The following LMX1A variants were observed in gnomAD, a reference collection of about 807,000 sequenced individuals.
LMX1A encodes the protein LIM homeobox transcription factor 1-alpha.
A neutral mutation model predicts 49.1 loss-of-function variants in LMX1A; 15 were observed. The ratio of observed to expected loss-of-function variants is 0.31; its 90% CI spans 0.20 to 0.47. LMX1A has a LOEUF of 0.47. Ranked by LOEUF, LMX1A falls within the 20% of genes least tolerant of loss-of-function variation. The pLI is 1.00. For synonymous variants in LMX1A, 167 were observed against 185.7 expected, an observed-to-expected ratio of 0.90 and a Z score of 0.82; for missense variants, 372 against 475.8, an observed-to-expected ratio of 0.78 and a Z score of 2.03.
intron 3 of LMX1A, among the ~76,000 whole-genome samples, chr1:165,300,249 A>G (rs1654740814): frequency 6.6e-6 from 1 of 152,212 alleles, no homozygotes; most frequent in African/African-American, 2.4e-5. Flanking sequence ...TATCAATTAA[A>G]ATATGCTCAC....
At chr1:165,308,526 A>G (rs965283276) in intron 3 of LMX1A, among the ~76,000 whole-genome samples, 2 of 152,222 alleles carry the variant, frequency 1.3e-5, no homozygotes, top group African/African-American at 4.8e-5. Flanking sequence ...AATCTCTTTA[A>G]TATAATTTTT....
intron 4 of LMX1A, among the ~76,000 whole-genome samples, chr1:165,237,590 CAAAA>C (rs902241830): frequency 1.3e-4 from 20 of 152,122 alleles, no homozygotes; most frequent in African/African-American, 4.3e-4. Context: ...CAAAACAAAA[CAAAA>C]AAACCCAAGC....
At chr1:165,316,465 T>C (rs941601394) in intron 3 of LMX1A, among the ~76,000 whole-genome samples, 8 of 152,130 alleles carry the variant, frequency 5.3e-5, no homozygotes, top group Non-Finnish European at 8.8e-5. Flanking sequence ...TGCTCCTTGG[T>C]CCCTACACTA....
At chr1:165,304,289 C>CA (rs1386019821) in intron 3 of LMX1A, among the ~76,000 whole-genome samples, 11 of 152,130 alleles carry the variant, frequency 7.2e-5, no homozygotes, top group African/African-American at 2.7e-4. Context: ...TAGCCTCTCC[C>CA]ACCCCAAAAA....
At chr1:165,334,240 A>C (rs900000773) in intron 3 of LMX1A, among the ~76,000 whole-genome samples, 19 of 152,202 alleles carry the variant, frequency 1.2e-4, no homozygotes, top group African/African-American at 4.6e-4. Context: ...GGATAGATCA[A>C]CTAACCAGCC....
In LMX1A at chr1:165,330,893, C is replaced by T. The variant is rs527516206; in HGVS notation, c.263+22183G>A. Among the ~76,000 whole-genome samples the T allele has an allele frequency of 2.6e-5, 4 of 152,328 alleles. No homozygotes were observed. The East Asian group carries it at 7.7e-4, about 29-fold the overall frequency. The stretch of plus-strand genomic sequence containing the variant: ...AGCTGAGCCCTGACCTACACACATA[C>T]TCCAAGTAGTCCAATTCAGGATCAA... On this transcript the variant is annotated intron_variant, in intron 3 of 8. Transcript: ENST00000342310.
At chr1:165,263,495 C>T (rs546729689) in intron 3 of LMX1A, among the ~76,000 whole-genome samples, 19 of 152,342 alleles carry the variant, frequency 1.2e-4, no homozygotes, top group South Asian at 1.0e-3. Flanking sequence ...GCAATTTCTG[C>T]TCCACCTTCA....
At chr1:165,308,498 A>G (rs2101731309) in intron 3 of LMX1A, among the ~76,000 whole-genome samples, 1 of 152,366 alleles carries the variant, frequency 6.6e-6, no homozygotes, top group Non-Finnish European at 1.5e-5. Context: ...CTAAGGTAAC[A>G]TGATAGGAAA....
At chr1:165,284,998 G>T (rs1188821300) in intron 3 of LMX1A, among the ~76,000 whole-genome samples, 1 of 152,228 alleles carries the variant, frequency 6.6e-6, no homozygotes, top group African/African-American at 2.4e-5. Context: ...ACCTTGCCTG[G>T]CTATGCCAGA....
chr1:165,267,284 T>C (rs1653656303), intron 3 of LMX1A, among the ~76,000 whole-genome samples: 2 of 152,220 alleles, frequency 1.3e-5, no homozygotes, highest in Non-Finnish European at 2.9e-5. Flanking sequence ...CTTCTTTCAC[T>C]TAGCACAATG....
chr1:165,229,747 G>A (rs1298218250), intron 4 of LMX1A, among the ~76,000 whole-genome samples: 1 of 152,032 alleles, frequency 6.6e-6, no homozygotes. Context: ...TGTTGTTGTT[G>A]TTGTTTTCTG....
At chr1:165,341,873 ATGAG>A (rs1656086890) in intron 3 of LMX1A, among the ~76,000 whole-genome samples, 1 of 152,248 alleles carries the variant, frequency 6.6e-6, no homozygotes, top group South Asian at 2.1e-4. Flanking sequence ...AAATGAATGA[ATGAG>A]TGATTTAATT....
intron 4 of LMX1A, among the ~76,000 whole-genome samples, chr1:165,242,548 A>G (rs1438077811): frequency 6.6e-6 from 1 of 152,028 alleles, no homozygotes; most frequent in African/African-American, 2.4e-5. Context: ...CAAAAATGAA[A>G]TTCTGACTCA....
chr1:165,343,256 G>A (rs184868679), intron 3 of LMX1A, among the ~76,000 whole-genome samples: 406 of 152,150 alleles, frequency 2.7e-3, no homozygotes, highest in African/African-American at 9.3e-3. Context: ...CCTTGCCCAT[G>A]GTAACACAGC....
intron 4 of LMX1A, among the ~76,000 whole-genome samples, chr1:165,249,197 G>A (rs1001132798): frequency 5.3e-5 from 8 of 152,158 alleles, no homozygotes; most frequent in Non-Finnish European, 1.0e-4. Flanking sequence ...GAATTTGAGG[G>A]TAATTTGTTA....
chr1:165,244,497 A>G (rs1652770755), intron 4 of LMX1A, among the ~76,000 whole-genome samples: 1 of 152,208 alleles, frequency 6.6e-6, no homozygotes, highest in Admixed American at 6.5e-5. Flanking sequence ...AGACAGTGTC[A>G]GAATTAAATT....
intron 4 of LMX1A, among the ~76,000 whole-genome samples, chr1:165,240,741 C>A (rs1022596805): frequency 1.3e-5 from 2 of 152,174 alleles, no homozygotes; most frequent in African/African-American, 4.8e-5. Context: ...GTTCAATGTC[C>A]TTTCTGGACT....
At chr1:165,272,167 G>C (rs184540526) in intron 3 of LMX1A, among the ~76,000 whole-genome samples, 114 of 152,170 alleles carry the variant, frequency 7.5e-4, no homozygotes, top group African/African-American at 2.5e-3. Context: ...CAAGGGGCTT[G>C]GTCCTCCAAA....
intron 3 of LMX1A, among the ~76,000 whole-genome samples, chr1:165,339,250 T>C (rs906272): frequency 0.9 from 136,278 of 152,254 alleles, 61,239 homozygotes; most frequent in Middle Eastern, 0.95. Context: ...CAGACTGTGT[T>C]ACTGCAGTCT....
Sources: gnomAD v4.1 joint callset for allele counts (sites outside exome capture counted in the v4.1 genomes callset) on GRCh38, gnomAD v4.1.1 for gene constraint, MANE v1.5 for transcripts, NCBI Gene and HGNC (gene_info 2026-07-23, HGNC 2026-07-21) for gene names.